ATP7B: variants seen among roughly 807,000 people sequenced by gnomAD.
ATP7B encodes copper-transporting ATPase 2.
A neutral mutation model predicts 118.9 loss-of-function variants in ATP7B; 113 were observed. That is an observed-to-expected ratio of 0.95 (90% CI 0.82 to 1.11). The LOEUF (loss-of-function observed/expected upper bound fraction) is 1.11, where lower values mean the gene tolerates loss of function less well. Ranked by LOEUF, ATP7B falls within the 50% of genes most tolerant of loss-of-function variation. ATP7B has a pLI of 0.00. For synonymous variants in ATP7B, 777 were observed against 727.4 expected, an observed-to-expected ratio of 1.07 and a Z score of -1.10; for missense variants, 1,867 against 1,871.4, an observed-to-expected ratio of 1.00 and a Z score of 0.04.
intron 2 of ATP7B, among the ~76,000 whole-genome samples, chr13:51,973,060 C>T (rs1201660477): frequency 6.6e-6 from 1 of 152,136 alleles, no homozygotes; most frequent in Non-Finnish European, 1.5e-5. Flanking sequence ...GTGGCTCCCT[C>T]ACCTTTACCT....
chr13:51,983,615 C>T (rs1952522136), intron 1 of ATP7B, among the ~76,000 whole-genome samples: 1 of 151,612 alleles, frequency 6.6e-6, no homozygotes, highest in Admixed American at 6.6e-5. Flanking sequence ...GTCTCCTGAC[C>T]AGGAGACACC....
chr13:51,941,185 C>T lies in ATP7B; in HGVS notation c.3452G>A (p.Arg1151His), dbSNP rs377297166. 7 of 1,614,100 alleles carry T rather than the reference C, an allele frequency of 4.3e-6. No individual in the cohort carries two copies. Among genetic ancestry groups the T allele is most frequent in the South Asian group, 2.2e-5 (2 of 91,078 alleles). The stretch of plus-strand genomic sequence containing the variant: ...TAAACCGTTGCGCCTCAGCCACTCA[C>T]GGTTTCCAATCAGCACAGAGAAGGT... ...PQTFSVLIGN[R>H]EWLRRNGLTI... The change falls in exon 16 of 21, where the codon CGT becomes CAT. Residue 1151 changes from arginine to histidine, a missense_variant. Arg to His is a conservative substitution (Grantham distance 29). Transcript: ENST00000242839.
chr13:51,966,575 TTCCTAGAAG>T (rs1180357664), intron 4 of ATP7B, among the ~76,000 whole-genome samples: 3 of 152,232 alleles, frequency 2.0e-5, no homozygotes, highest in Admixed American at 6.5e-5. Context: ...TGGTCAGCAC[TTCCTAGAAG>T]ACTAGTTAAA....
chr13:51,990,684 G>T (rs1952866507), intron 1 of ATP7B, among the ~76,000 whole-genome samples: 1 of 152,198 alleles, frequency 6.6e-6, no homozygotes, highest in Non-Finnish European at 1.5e-5. Flanking sequence ...CATAATGACA[G>T]ATAACTTCTT....
At chr13:51,958,882 C>T (rs560917861) in intron 7 of ATP7B, 25 of 380,202 alleles carry the variant, frequency 6.6e-5, no homozygotes, top group Non-Finnish European at 1.2e-4. Flanking sequence ...AGAGAATGGG[C>T]TCTATCTATA....
At chr13:52,007,484 T>C (rs889148065) in intron 1 of ATP7B, among the ~76,000 whole-genome samples, 2 of 152,240 alleles carry the variant, frequency 1.3e-5, no homozygotes, top group African/African-American at 4.8e-5. Flanking sequence ...TTTCCTATTG[T>C]TCCCCAAACT....
intron 1 of ATP7B, among the ~76,000 whole-genome samples, chr13:52,001,384 C>G (rs1953487061): frequency 6.6e-6 from 1 of 152,208 alleles, no homozygotes; most frequent in Admixed American, 6.5e-5. Context: ...ACCTGTAAGA[C>G]TATACAGTTG....
chr13:51,966,399 A>G (rs1033405708), intron 4 of ATP7B, among the ~76,000 whole-genome samples: 1 of 152,216 alleles, frequency 6.6e-6, no homozygotes, highest in African/African-American at 2.4e-5. Flanking sequence ...CCCTGCAGCG[A>G]CAGGGCCAAA....
intron 5 of ATP7B, among the ~76,000 whole-genome samples, chr13:51,964,355 G>C (rs1958950834): frequency 6.6e-6 from 1 of 152,188 alleles, no homozygotes; most frequent in Non-Finnish European, 1.5e-5. Flanking sequence ...AAAGGAAATA[G>C]CATGTCTGTG....
chr13:51,969,152 C>A (rs1951720498), intron 3 of ATP7B, among the ~76,000 whole-genome samples: 1 of 151,526 alleles, frequency 6.6e-6, no homozygotes, highest in African/African-American at 2.4e-5. Context: ...AAAAAAGCTC[C>A]CCAGGTGATC....
At chr13:52,007,423 A>T (rs1049369443) in intron 1 of ATP7B, among the ~76,000 whole-genome samples, 3 of 152,078 alleles carry the variant, frequency 2.0e-5, no homozygotes, top group African/African-American at 7.2e-5. Flanking sequence ...ATGAACTCTG[A>T]TCTCCTGTTC....
rs766815919 is a variant in ATP7B, at chr13:51,968,437, T to G, written c.1707+7A>C. On this transcript the variant is annotated splice_region_variant and intron_variant, in intron 4 of 20. Coordinates refer to ENST00000242839, the MANE Select transcript of ATP7B (RefSeq NM_000053.4). ...CTGTAACCCCGTAACGCACCCACAG[T>G]ACTTACTGTCAGCTCAATGTTGCCA... The G allele has an allele frequency of 9.3e-6, 15 of 1,614,082 alleles. No homozygotes were observed. The highest frequency in any genetic ancestry group is 1.3e-5 in the Non-Finnish European group (15 of 1,180,032).
chr13:52,011,418 T>TA lies in ATP7B; in HGVS notation c.-82dup. On this transcript the variant is annotated 5_prime_UTR_variant, in exon 1 of 21. Coordinates refer to ENST00000242839, the MANE Select transcript of ATP7B (RefSeq NM_000053.4). ...TGGTCGGTGGAGGAGAGCGGGGTGT[T>TA]AAAGTCCCGGGAGAGGAGGCGCAGA... The TA allele has an allele frequency of 1.9e-6, 3 of 1,591,910 alleles. No individual in the cohort carries two copies. The highest frequency in any genetic ancestry group is 1.3e-5 in the African/African-American group (1 of 74,476).
intron 1 of ATP7B, among the ~76,000 whole-genome samples, chr13:51,985,010 T>C (rs1952588213): frequency 6.6e-6 from 1 of 152,162 alleles, no homozygotes; most frequent in Admixed American, 6.5e-5. Context: ...CTGCATCAAC[T>C]AATAGCCAAA....
chr13:51,972,110 CCTT>C (rs1357160100), intron 2 of ATP7B, among the ~76,000 whole-genome samples: 2 of 152,196 alleles, frequency 1.3e-5, no homozygotes, highest in South Asian at 2.1e-4. Flanking sequence ...CCCCTTCCCT[CCTT>C]ATCTTCAGCA....
chr13:51,977,260 T>C lies in ATP7B; in HGVS notation c.52-2092A>G, dbSNP rs549166422. On this transcript the variant is annotated intron_variant, in intron 1 of 20. Transcript: ENST00000242839. ...TTTTTTTTTTTACTTTCGACTCTTT[T>C]GTAATAACACTTAGCTTAAAGCACA... is the stretch of plus-strand genomic sequence containing the variant. Among the ~76,000 whole-genome samples the C allele has an allele frequency of 1.1e-4, 17 of 152,272 alleles. 1 individual carries two copies. The highest frequency in any genetic ancestry group is 4.1e-4 in the South Asian group (2 of 4,820).
intron 1 of ATP7B, among the ~76,000 whole-genome samples, chr13:52,002,562 G>A (rs1020770694): frequency 1.4e-5 from 2 of 145,910 alleles, no homozygotes; most frequent in African/African-American, 5.2e-5. Context: ...TGAAACAAGA[G>A]GGGCAGGGAG....
chr13:51,956,519 C>T (rs1958358133), intron 9 of ATP7B, among the ~76,000 whole-genome samples: 1 of 152,110 alleles, frequency 6.6e-6, no homozygotes. Flanking sequence ...GAAAGGTTCC[C>T]GGGTAGAGGC....
intron 6 of ATP7B, 23 bp from the exon 7 acceptor site, chr13:51,960,345 C>T (rs1349629853): frequency 3.7e-6 from 6 of 1,608,634 alleles, no homozygotes; most frequent in Non-Finnish European, 5.1e-6. Context: ...TGCAGCAACA[C>T]AGATATATCA....
Sources: allele counts gnomAD v4.1 joint callset (sites outside exome capture counted in the v4.1 genomes callset), GRCh38; gene constraint gnomAD v4.1.1; transcripts MANE v1.5; gene names NCBI Gene and HGNC (gene_info 2026-07-23, HGNC 2026-07-21).